The following SLC20A2 variants were observed in gnomAD, a reference collection of about 807,000 sequenced individuals.
The protein encoded by SLC20A2 is solute carrier family 20 member 2, also known as sodium-dependent phosphate transporter 2.
A neutral mutation model predicts 61.0 loss-of-function variants in SLC20A2; 30 were observed. The ratio of observed to expected loss-of-function variants is 0.49; its 90% CI spans 0.37 to 0.67. SLC20A2 has a LOEUF of 0.67. SLC20A2 is among the 30% of genes least tolerant of loss of function. The pLI is 0.00. For missense variants in SLC20A2, 626 were observed against 866.4 expected (o/e 0.72, Z 3.48); for synonymous variants, 351 against 353.3 (o/e 0.99, Z 0.07).
chr8:42,521,588 C>T lies in SLC20A2; in HGVS notation c.-265+20233G>A, dbSNP rs1811623320. Among the ~76,000 whole-genome samples, 2 of 120,426 alleles carry T rather than the reference C, an allele frequency of 1.7e-5. 1 individual carries two copies. The highest frequency in any genetic ancestry group is 4.0e-5 in the Non-Finnish European group (2 of 50,148). 79.0% of individuals were successfully genotyped at this position (120,426 alleles called of 152,430 possible). A position where few individuals can be genotyped will look rare whatever the true frequency, so the allele number is the denominator to read the frequency against. ...CACTGCAGCCTCAACCTCCTGGGCT[C>T]AAGTGATGCTCCCACCTCAGCCTCC... On this transcript the variant is annotated intron_variant, in intron 1 of 10. Transcript: ENST00000342228.
chr8:42,528,698 C>T (rs1812134641), intron 1 of SLC20A2, among the ~76,000 whole-genome samples: 1 of 151,602 alleles, frequency 6.6e-6, no homozygotes, highest in Admixed American at 6.6e-5. Context: ...GATGGAGTTT[C>T]GCTCATTGCC....
intron 1 of SLC20A2, among the ~76,000 whole-genome samples, chr8:42,489,359 G>C: frequency 6.6e-6 from 1 of 152,166 alleles, no homozygotes. Flanking sequence ...GAACGTACGT[G>C]TAATGGCTGC....
At chr8:42,460,980 C>T (rs1806647647) in intron 4 of SLC20A2, among the ~76,000 whole-genome samples, 1 of 152,238 alleles carries the variant, frequency 6.6e-6, no homozygotes, top group African/African-American at 2.4e-5. Flanking sequence ...TCAAAGACTG[C>T]TACTGCCAAA....
chr8:42,535,877 C>A (rs1812662995), intron 1 of SLC20A2, among the ~76,000 whole-genome samples: 2 of 152,184 alleles, frequency 1.3e-5, no homozygotes, highest in Non-Finnish European at 2.9e-5. Flanking sequence ...GGTCATTCTG[C>A]TGTACATTCC....
At chr8:42,438,050 TAAAAAAAAAAACCAAAAAAAAAA>T (rs1404513621) in intron 7 of SLC20A2, among the ~76,000 whole-genome samples, 1 of 15,976 alleles carries the variant, frequency 6.3e-5, no homozygotes, top group East Asian at 4.1e-3. Flanking sequence ...TGGTTACCAC[TAAAAAAAAAAACCAAAAAAAAAA>T]AAAAAAAAAA....
intron 1 of SLC20A2, among the ~76,000 whole-genome samples, chr8:42,488,284 C>T (rs555691624): frequency 2.8e-5 from 4 of 142,582 alleles, no homozygotes; most frequent in East Asian, 2.1e-4. Context: ...CTCCCGGGTT[C>T]GACCGATTCT....
chr8:42,539,163 A>T (rs564136188), intron 1 of SLC20A2, among the ~76,000 whole-genome samples: 1 of 152,334 alleles, frequency 6.6e-6, no homozygotes, highest in East Asian at 1.9e-4. Flanking sequence ...CTAGCAAAGC[A>T]TTCTTAATCT....
At chr8:42,445,013 CA>C (rs1423254093) in intron 5 of SLC20A2, among the ~76,000 whole-genome samples, 1 of 152,230 alleles carries the variant, frequency 6.6e-6, no homozygotes, top group Non-Finnish European at 1.5e-5. Flanking sequence ...AACTGGGGGC[CA>C]GGCATGGCGG....
chr8:42,447,620 T>C (rs1175205796), intron 5 of SLC20A2, among the ~76,000 whole-genome samples: 1 of 152,128 alleles, frequency 6.6e-6, no homozygotes, highest in African/African-American at 2.4e-5. Flanking sequence ...GGAGCTGCAG[T>C]GAGCCAAGAT....
chr8:42,494,066 T>C (rs1219814189), intron 1 of SLC20A2, among the ~76,000 whole-genome samples: 1 of 152,124 alleles, frequency 6.6e-6, no homozygotes, highest in East Asian at 1.9e-4. Flanking sequence ...TCGCTCAAGC[T>C]GGGGGAGTCA....
chr8:42,470,364 T>C (rs1356250451), intron 2 of SLC20A2, among the ~76,000 whole-genome samples: 9 of 151,914 alleles, frequency 5.9e-5, no homozygotes, highest in Admixed American at 1.3e-4. Flanking sequence ...ACTACAGGCA[T>C]GTGCCACCAT....
intron 1 of SLC20A2, among the ~76,000 whole-genome samples, chr8:42,481,919 T>C (rs1358958942): frequency 2.0e-5 from 3 of 152,196 alleles, no homozygotes; most frequent in East Asian, 3.9e-4. Context: ...ACAGGGAAGT[T>C]TCTTCCCAGC....
chr8:42,479,139 T>G (rs1808377845), intron 1 of SLC20A2, among the ~76,000 whole-genome samples: 1 of 152,208 alleles, frequency 6.6e-6, no homozygotes, highest in South Asian at 2.1e-4. Context: ...AAAGAAAAGC[T>G]GGCTTTCTGC....
chr8:42,456,766 G>C (rs1806242385), intron 5 of SLC20A2, among the ~76,000 whole-genome samples: 1 of 148,780 alleles, frequency 6.7e-6, no homozygotes, highest in Admixed American at 6.7e-5. Flanking sequence ...CAAGGACTAA[G>C]ATATCTCCCG....
At position 42,537,258 on chromosome 8, in the gene SLC20A2, C is replaced by A. The variant is rs561905683; in HGVS notation, c.-265+4563G>T. The stretch of plus-strand genomic sequence containing the variant: ...AATTAGCTGAGCACAGTGGTGCGTG[C>A]CTGTAGTCCCAGCTACTCTGGAGGC... On this transcript the variant is annotated intron_variant, in intron 1 of 10. Coordinates refer to the SLC20A2 transcript ENST00000342228. Among the ~76,000 whole-genome samples, 91 of 151,152 alleles carry A rather than the reference C, an allele frequency of 6.0e-4. 1 individual carries two copies. The South Asian group carries it at 0.018, about 31-fold the overall frequency.
At chr8:42,466,842 A>C (rs577886360) in intron 2 of SLC20A2, among the ~76,000 whole-genome samples, 1 of 150,332 alleles carries the variant, frequency 6.7e-6, no homozygotes, top group East Asian at 1.9e-4. Context: ...TTAATTTTTA[A>C]ATTTTTTTGC....
rs61051464 is a variant in SLC20A2 at position 42,522,906 on chromosome 8, GGGT to G, written c.-265+18912_-265+18914del. ...AAAAAAAAAATCTGTAGAGATGGCGGGGTGGGGGGGGTCTCTCTGTGTTGCCCA... is the reference window on the plus strand; with the variant it reads ...AAAAAAAAAATCTGTAGAGATGGCGGGGGGGGGGTCTCTCTGTGTTGCCCA... On this transcript the variant is annotated intron_variant, in intron 1 of 10. Coordinates refer to the SLC20A2 transcript ENST00000342228. 8.3e-3 allele frequency among the ~76,000 whole-genome samples: 834 copies of G among 99,970 alleles called. 50 individuals are homozygous for G. The highest frequency in any genetic ancestry group is 9.1e-3 in the Non-Finnish European group (402 of 44,244). The allele number at this position is 99,970 out of a possible 152,430, so 65.6% of individuals were successfully genotyped here.
rs773208227 is a variant in SLC20A2, at chr8:42,437,227, G to T, written c.1285C>A (p.Arg429Ser). 1.2e-6 allele frequency: 2 copies of T among 1,613,608 alleles called. No homozygotes were observed. The highest frequency in any genetic ancestry group is 1.7e-5 in the Admixed American group (1 of 60,006). The change falls in exon 8 of 11, where the codon CGC becomes AGC. Residue 429 changes from arginine to serine, a missense_variant. Transcript: ENST00000520262. This position sits in a 1 kb window ranked among gnomAD's most constrained non-coding sequence, Gnocchi z 6.4. Reference sequence around the variant, plus strand: ...CAGTAGCTCGAGTAGCTGTCGTAGCGCAGCCTCTTCTTGGAGTAGGACACG... The same window carrying T: ...CAGTAGCTCGAGTAGCTGTCGTAGCTCAGCCTCTTCTTGGAGTAGGACACG... Reference protein sequence around the residue: ...DTVSYSKKRLRYDSYSSYCNA... With the variant: ...DTVSYSKKRLSYDSYSSYCNA...
At chr8:42,467,246 G>C (rs1807245190) in intron 2 of SLC20A2, among the ~76,000 whole-genome samples, 1 of 152,164 alleles carries the variant, frequency 6.6e-6, no homozygotes, top group African/African-American at 2.4e-5. Context: ...ATTCCTTGTT[G>C]TTAAGAGGTT....
Sources: allele counts gnomAD v4.1 joint callset (sites outside exome capture counted in the v4.1 genomes callset), GRCh38; gene constraint gnomAD v4.1.1; non-coding constraint Gnocchi (gnomAD v3.1); transcripts MANE v1.5; gene names NCBI Gene and HGNC (gene_info 2026-07-23, HGNC 2026-07-21).